SLC16A12: variants seen among roughly 807,000 people sequenced by gnomAD.
The protein encoded by SLC16A12 is monocarboxylate transporter 12.
In SLC16A12, 17 loss-of-function variants were observed where a neutral mutation model predicts 42.4. The observed-to-expected ratio is 0.40, with a 90% CI of 0.27 to 0.60. SLC16A12 has a LOEUF of 0.60. Among genes scored for constraint, SLC16A12 ranks in the 20% least tolerant of loss-of-function variants. The pLI is 0.42. For missense variants in SLC16A12, 544 were observed against 623.0 expected (o/e 0.87, Z 1.35); for synonymous variants, 224 against 229.4 (o/e 0.98, Z 0.21).
At chr10:89,507,906 G>GA (rs1843091826) in intron 2 of SLC16A12, among the ~76,000 whole-genome samples, 1 of 151,628 alleles carries the variant, frequency 6.6e-6, no homozygotes, top group Non-Finnish European at 1.5e-5. Flanking sequence ...AATGGAAAGC[G>GA]AAAAAAAGCA....
chr10:89,436,036 TG>T (rs757377614), intron 7 of SLC16A12, 23 bp downstream of exon 7: 6 of 1,613,204 alleles, frequency 3.7e-6, no homozygotes, highest in Non-Finnish European at 5.1e-6. Context: ...AAAAGGTGGT[TG>T]GGGTTTCTCT....
At chr10:89,524,803 T>C (rs1843422701) in intron 2 of SLC16A12, among the ~76,000 whole-genome samples, 1 of 152,216 alleles carries the variant, frequency 6.6e-6, no homozygotes, top group South Asian at 2.1e-4. Context: ...AGAGGTAAAC[T>C]CATGAAGTTA....
At chr10:89,457,979 T>C (rs1842224835) in intron 3 of SLC16A12, among the ~76,000 whole-genome samples, 1 of 152,166 alleles carries the variant, frequency 6.6e-6, no homozygotes, top group South Asian at 2.1e-4. Context: ...TCCCTGAGGA[T>C]CAATAATGAA....
chr10:89,472,253 TAG>T (rs1197681693), intron 2 of SLC16A12, among the ~76,000 whole-genome samples: 1 of 151,488 alleles, frequency 6.6e-6, no homozygotes, highest in Non-Finnish European at 1.5e-5. Context: ...TGCCAAGAAA[TAG>T]ATTCAACACA....
chr10:89,438,753 C>T lies in SLC16A12; in HGVS notation c.879G>A (p.Met293Ile). 6.2e-7 allele frequency: 1 copy of T among 1,614,174 alleles called. No individual in the cohort carries two copies. The highest frequency in any genetic ancestry group is 2.2e-5 in the East Asian group (1 of 44,882). ...CAAAGAGAGGGCTGCAGCCATAAGC[C>T]ATAAACAGAACGGAGACGGCTAACA... Reference protein sequence around the residue: ...FVVLAVSVLFMAYGCSPLFVY... With the variant: ...FVVLAVSVLFIAYGCSPLFVY... The change falls in exon 6 of 8, where the codon ATG becomes ATA. Residue 293 changes from methionine (M) to isoleucine (I), a missense_variant. Met to Ile is a conservative substitution (Grantham distance 10). Transcript: ENST00000371790.
intron 1 of SLC16A12, 25 bp from the exon 2 acceptor site, chr10:89,534,665 A>AAAC (rs1843620827): frequency 1.3e-5 from 2 of 148,504 alleles, no homozygotes; most frequent in African/African-American, 5.0e-5. Context: ...AAAAAAAAAA[A>AAAC]AAAAAATCCA....
At chr10:89,501,582 C>T (rs1458097494) in intron 2 of SLC16A12, among the ~76,000 whole-genome samples, 1 of 152,106 alleles carries the variant, frequency 6.6e-6, no homozygotes, top group Non-Finnish European at 1.5e-5. Context: ...AAAACCCCAT[C>T]TATACTAAAA....
chr10:89,541,368 G>A (rs1589737564), intron 2 of SLC16A12, among the ~76,000 whole-genome samples: 1 of 152,176 alleles, frequency 6.6e-6, no homozygotes. Flanking sequence ...GCTAAGACCA[G>A]AGGATCACTT....
At chr10:89,445,261 T>C (rs556697903) in intron 3 of SLC16A12, among the ~76,000 whole-genome samples, 1 of 152,358 alleles carries the variant, frequency 6.6e-6, no homozygotes, top group African/African-American at 2.4e-5. Flanking sequence ...GCTCTGAGAA[T>C]GGACAGACTG....
chr10:89,507,208 C>A (rs909822836), intron 2 of SLC16A12, among the ~76,000 whole-genome samples: 1 of 152,090 alleles, frequency 6.6e-6, no homozygotes, highest in Admixed American at 6.6e-5. Flanking sequence ...CATTCAAATT[C>A]AGGAAATACA....
rs191729621 is a variant in SLC16A12 at position 89,507,759 on chromosome 10, C to G, written c.-47+26742G>C. Among the ~76,000 whole-genome samples, 410 of 131,940 alleles carry G rather than the reference C, an allele frequency of 3.1e-3. 3 individuals are homozygous for G. Among genetic ancestry groups the G allele is most frequent in the Middle Eastern group, 0.015 (4 of 266 alleles). The allele number at this position is 131,940 out of a possible 152,430, so 86.6% of individuals were successfully genotyped here. A position where few individuals can be genotyped will look rare whatever the true frequency, so the allele number is the denominator to read the frequency against. Reference sequence around the variant, plus strand: ...ACCTCAAATGTAAATGGGCTAAATGCCCCCAATTAAAAGACACAGACTGGC... The same window carrying G: ...ACCTCAAATGTAAATGGGCTAAATGGCCCCAATTAAAAGACACAGACTGGC... On this transcript the variant is annotated intron_variant, in intron 2 of 7. Transcript: ENST00000371790.
At chr10:89,485,748 AT>A (rs1348492873) in intron 2 of SLC16A12, among the ~76,000 whole-genome samples, 2 of 152,210 alleles carry the variant, frequency 1.3e-5, no homozygotes, top group African/African-American at 4.8e-5. Flanking sequence ...CCCAATAAGC[AT>A]AGTGTGTTTG....
intron 2 of SLC16A12, among the ~76,000 whole-genome samples, chr10:89,505,854 C>T (rs111829138): frequency 6.6e-6 from 1 of 152,180 alleles, no homozygotes; most frequent in African/African-American, 2.4e-5. Flanking sequence ...TCGTGGCTAG[C>T]GCAGCAGTCT....
At chr10:89,501,567 A>G (rs1373709471) in intron 2 of SLC16A12, among the ~76,000 whole-genome samples, 1 of 152,116 alleles carries the variant, frequency 6.6e-6, no homozygotes, top group African/African-American at 2.4e-5. Flanking sequence ...AAAGGTCAAC[A>G]TGGCAAAACC....
Position 89,438,625 on chromosome 10 carries a change from A to T in SLC16A12, c.1007T>A (p.Phe336Tyr). ...GVIDIIGNIT[F>Y]GWLTDRRCLK... is the part of the protein sequence containing the mutation. Reference sequence around the variant, plus strand: ...TTACCTTCTGTCGGTCAGCCATCCAAATGTGATATTGCCAATAATGTCAAT... The same window carrying T: ...TTACCTTCTGTCGGTCAGCCATCCATATGTGATATTGCCAATAATGTCAAT... Residue 336 changes from phenylalanine to tyrosine, a missense_variant, in exon 6 of 8, where the codon TTT becomes TAT. Phe to Tyr is a conservative substitution (Grantham distance 22). Transcript: ENST00000371790. 1 of 1,613,880 alleles carries T rather than the reference A, an allele frequency of 6.2e-7. No individual in the cohort carries two copies. Among genetic ancestry groups the T allele is most frequent in the Non-Finnish European group, 8.5e-7 (1 of 1,179,928 alleles).
At chr10:89,527,928 T>G (rs1843482444) in intron 2 of SLC16A12, among the ~76,000 whole-genome samples, 1 of 152,066 alleles carries the variant, frequency 6.6e-6, no homozygotes, top group South Asian at 2.1e-4. Flanking sequence ...TCAAAAACAA[T>G]AAATCCTAAT....
chr10:89,441,771 A>G (rs1380891784), intron 4 of SLC16A12, among the ~76,000 whole-genome samples: 1 of 152,202 alleles, frequency 6.6e-6, no homozygotes, highest in African/African-American at 2.4e-5. Flanking sequence ...TGAGATATCA[A>G]AGCCCAGAAA....
chr10:89,457,794 TC>T (rs1397722446), intron 3 of SLC16A12, among the ~76,000 whole-genome samples: 4 of 152,196 alleles, frequency 2.6e-5, no homozygotes, highest in Admixed American at 1.3e-4. Flanking sequence ...CAAAGATCTC[TC>T]CCCCTGTGAC....
intron 2 of SLC16A12, among the ~76,000 whole-genome samples, chr10:89,552,675 G>A (rs1451741560): frequency 6.6e-6 from 1 of 152,176 alleles, no homozygotes; most frequent in Non-Finnish European, 1.5e-5. Flanking sequence ...AGAGCCTTCT[G>A]AGTGCCAGGA....
Sources: gnomAD v4.1 joint callset for allele counts (sites outside exome capture counted in the v4.1 genomes callset) on GRCh38, gnomAD v4.1.1 for gene constraint, MANE v1.5 for transcripts, NCBI Gene and HGNC (gene_info 2026-07-23, HGNC 2026-07-21) for gene names.